Variants in ARL6IP1 observed in about 807,000 individuals in gnomAD.
The protein encoded by ARL6IP1 is ARL6 interacting reticulophagy regulator 1, also known as ADP-ribosylation factor-like protein 6-interacting protein 1.
Under a neutral mutation model 30.1 loss-of-function variants are expected in ARL6IP1, and 16 were observed. The observed-to-expected ratio is 0.53, with a 90% CI of 0.36 to 0.81. The LOEUF is 0.81. Among genes scored for constraint, ARL6IP1 ranks in the 30% least tolerant of loss-of-function variants. The pLI, the probability that ARL6IP1 is intolerant of heterozygous loss-of-function variation, is 0.01. For missense variants in ARL6IP1, 173 were observed against 242.7 expected, an observed-to-expected ratio of 0.71 and a Z score of 1.91; for synonymous variants, 72 against 84.8, an observed-to-expected ratio of 0.85 and a Z score of 0.83.
intron 5 of ARL6IP1, 69 bp downstream of exon 5, chr16:18,794,530 T>C: frequency 8.7e-7 from 1 of 1,144,892 alleles, no homozygotes; most frequent in South Asian, 1.3e-5. Context: ...TATTCAGCTG[T>C]TTACTGACGA....
Position 18,793,111 on chromosome 16 carries a change from G to T in ARL6IP1, c.*141C>A. ...CTATGCACGAAGCCTTACTTGGCGA[G>T]TCTGAATTTCTATTAACTAAGGGCA... On this transcript the variant is annotated 3_prime_UTR_variant, in exon 6 of 6. Coordinates refer to ENST00000304414, the MANE Select transcript of ARL6IP1 (RefSeq NM_015161.3). The T allele has an allele frequency of 3.4e-6, 2 of 595,830 alleles. No individual in the cohort carries two copies. The highest frequency in any genetic ancestry group is 5.9e-6 in the Non-Finnish European group (2 of 340,122). 36.9% of individuals were successfully genotyped at this position (595,830 alleles called of 1,614,324 possible). A position where few individuals can be genotyped will look rare whatever the true frequency, so the allele number is the denominator to read the frequency against.
At chr16:18,797,854 G>A in intron 3 of ARL6IP1, 71 bp downstream of exon 3, 1 of 1,537,776 alleles carries the variant, frequency 6.5e-7, no homozygotes, top group East Asian at 2.3e-5. Flanking sequence ...CTTATTTACA[G>A]CATACTAATC....
At position 18,801,353 on chromosome 16, in the gene ARL6IP1, G is replaced by C. The variant is rs75206489; in HGVS notation, c.36+78C>G. The C allele has an allele frequency of 0.029, 45,798 of 1,584,574 alleles. 828 individuals are homozygous for C. The highest frequency in any genetic ancestry group is 0.033 in the Non-Finnish European group (38,438 of 1,166,496). On this transcript the variant is annotated intron_variant, in intron 1 of 5. Transcript: ENST00000304414. The stretch of plus-strand genomic sequence containing the variant: ...GGCCGGGCCCGCGGCGGGTGACAGG[G>C]ACGAGGCCGCGGTGTTTGAGCCCAC...
chr16:18,794,555 T>C, intron 5 of ARL6IP1, 44 bp downstream of exon 5: 2 of 1,480,330 alleles, frequency 1.4e-6, no homozygotes, highest in Non-Finnish European at 1.9e-6. Context: ...ACAGTTAAAT[T>C]TCACTGGCCA....
chr16:18,798,273 CT>C, intron 2 of ARL6IP1: 1 of 394,770 alleles, frequency 2.5e-6, no homozygotes, highest in South Asian at 3.8e-5. Flanking sequence ...GTTCTCAGCA[CT>C]TTTTTAAGAG....
Position 18,797,982 on chromosome 16 carries a change from C to A in ARL6IP1, c.233G>T (p.Cys78Phe), listed in dbSNP as rs1392818125. The A allele has an allele frequency of 6.2e-7, 1 of 1,613,556 alleles. No homozygotes were observed. Among genetic ancestry groups the A allele is most frequent in the East Asian group, 2.2e-5 (1 of 44,840 alleles). The change falls in exon 3 of 6, where the codon TGC (cysteine) becomes TTC (phenylalanine). Residue 78 changes from cysteine (C) to phenylalanine (F), a missense_variant. Transcript: ENST00000304414. ...SGVSCFVMFL[C>F]LADYLVPILA... Reference sequence around the variant, plus strand: ...AATGGGAACAAGGTAGTCAGCCAAGCACAAAAACATAACAAAACAGGAAAC... The same window carrying A: ...AATGGGAACAAGGTAGTCAGCCAAGAACAAAAACATAACAAAACAGGAAAC...
intron 2 of ARL6IP1, chr16:18,798,453 A>G: frequency 2.3e-6 from 1 of 426,178 alleles, no homozygotes; most frequent in Non-Finnish European, 4.1e-6. Context: ...TAACAAAAAA[A>G]GAGTTTAAGT....
chr16:18,801,346 T>A (rs1596951032), intron 1 of ARL6IP1, 85 bp downstream of exon 1: 6 of 1,562,022 alleles, frequency 3.8e-6, no homozygotes, highest in African/African-American at 2.7e-5. Flanking sequence ...CCGCGGCGGG[T>A]GACAGGGACG....
At chr16:18,800,417 C>T (rs1039766228) in intron 1 of ARL6IP1, among the ~76,000 whole-genome samples, 1 of 152,196 alleles carries the variant, frequency 6.6e-6, no homozygotes, top group African/African-American at 2.4e-5. Context: ...TTTGTCATTT[C>T]AACAGGGCTT....
chr16:18,801,452 A>T lies in ARL6IP1; in HGVS notation c.15T>A (p.Asp5Glu). ...TCACCAGCAGGTTGGTGCTGCGATT[A>T]TCTCCCTCCGCCATCGTCTCGGGGA... MAEG[D>E]NRSTNLLAAE... Residue 5 changes from aspartate (D) to glutamate (E), a missense_variant, in exon 1 of 6, where the codon GAT becomes GAA. By Grantham distance (45) the Asp-to-Glu change is conservative (BLOSUM62 2). Transcript: ENST00000304414. 2 of 1,612,728 alleles carry T rather than the reference A, an allele frequency of 1.2e-6. No homozygotes were observed. Among genetic ancestry groups the T allele is most frequent in the African/African-American group, 2.7e-5 (2 of 74,938 alleles).
intron 1 of ARL6IP1, 97 bp from the exon 2 acceptor site, chr16:18,798,931 T>C (rs1167256360): frequency 1.5e-5 from 20 of 1,308,532 alleles, no homozygotes; most frequent in Admixed American, 2.6e-5. Context: ...ATACAAAAAA[T>C]AACCTCTTAA....
At chr16:18,794,720 A>T (rs2030177703) in intron 4 of ARL6IP1, 37 bp from the exon 5 acceptor site, 1 of 1,394,194 alleles carries the variant, frequency 7.2e-7, no homozygotes, top group South Asian at 1.2e-5. Flanking sequence ...TCAAAACTTC[A>T]TGTGACACCA....
At chr16:18,796,287 C>T (rs1297868165) in intron 3 of ARL6IP1, among the ~76,000 whole-genome samples, 3 of 151,996 alleles carry the variant, frequency 2.0e-5, no homozygotes, top group East Asian at 1.9e-4. Context: ...CTATTATTGC[C>T]CTGTGCTGAG....
At chr16:18,798,930 AT>A in intron 1 of ARL6IP1, 96 bp from the exon 2 acceptor site, 1 of 1,343,028 alleles carries the variant, frequency 7.4e-7, no homozygotes. Context: ...AATACAAAAA[AT>A]AACCTCTTAA....
chr16:18,801,356 G>A lies in ARL6IP1; in HGVS notation c.36+75C>T, dbSNP rs2030405153. ...CGGGCCCGCGGCGGGTGACAGGGAC[G>A]AGGCCGCGGTGTTTGAGCCCACGGA... On this transcript the variant is annotated intron_variant, in intron 1 of 5. Coordinates refer to ENST00000304414, the MANE Select transcript of ARL6IP1 (RefSeq NM_015161.3). 14 of 1,587,012 alleles carry A rather than the reference G, an allele frequency of 8.8e-6. No individual in the cohort carries two copies. In the South Asian group the frequency reaches 1.1e-4, roughly 13 times the overall value.
chr16:18,798,982 G>A (rs2030325721), intron 1 of ARL6IP1, 148 bp from the exon 2 acceptor site: 2 of 858,916 alleles, frequency 2.3e-6, no homozygotes, highest in Non-Finnish European at 3.4e-6. Context: ...CTGAAAAACT[G>A]CAATTTCAAA....
intron 3 of ARL6IP1, among the ~76,000 whole-genome samples, chr16:18,797,064 T>C (rs569871452): frequency 1.1e-4 from 16 of 152,220 alleles, no homozygotes; most frequent in African/African-American, 3.1e-4. Flanking sequence ...TAACTATATC[T>C]GAGGAGTTCA....
rs1227968604 is a variant in ARL6IP1, at chr16:18,791,753, TAATC to T, written c.*1495_*1498del. 1 of 152,392 alleles carries T rather than the reference TAATC, an allele frequency of 6.6e-6. No homozygotes were observed. The highest frequency in any genetic ancestry group is 1.5e-5 in the Non-Finnish European group (1 of 68,042). The allele number at this position is 152,392 out of a possible 1,614,324, so 9.4% of individuals were successfully genotyped here. On this transcript the variant is annotated 3_prime_UTR_variant, in exon 6 of 6. Coordinates refer to ENST00000304414, the MANE Select transcript of ARL6IP1 (RefSeq NM_015161.3). The stretch of plus-strand genomic sequence containing the variant: ...ACAGGATTAAAACTGCAAAAGTAGT[TAATC>T]AGTAGAATATGTATGCACACAAAAA...
intron 2 of ARL6IP1, chr16:18,798,474 CAA>C: frequency 2.2e-6 from 1 of 464,980 alleles, no homozygotes; most frequent in Non-Finnish European, 3.7e-6. Context: ...GTCTGGAGGA[CAA>C]AAAGTTTGCG....
Sources: gnomAD v4.1 joint callset for allele counts (sites outside exome capture counted in the v4.1 genomes callset) on GRCh38, gnomAD v4.1.1 for gene constraint, MANE v1.5 for transcripts, NCBI Gene and HGNC (gene_info 2026-07-23, HGNC 2026-07-21) for gene names.